Variants in GARS1 observed in about 807,000 individuals in gnomAD.
GARS1 encodes glycine--tRNA ligase.
Under a neutral mutation model 86.4 loss-of-function variants are expected in GARS1, and 46 were observed. That is an observed-to-expected ratio of 0.53 (90% CI 0.42 to 0.68). The LOEUF is 0.68. Ranked by LOEUF, GARS1 falls within the 30% of genes least tolerant of loss-of-function variation. GARS1 has a pLI of 0.00. For synonymous variants in GARS1, 342 were observed against 329.8 expected (o/e 1.04, Z -0.40); for missense variants, 797 against 915.6 (o/e 0.87, Z 1.67).
At position 30,609,665 on chromosome 7, in the gene GARS1, A is replaced by C; in HGVS notation, c.816A>C (p.Leu272=). 1 of 1,613,434 alleles carries C rather than the reference A, an allele frequency of 6.2e-7. No individual in the cohort carries two copies. Among genetic ancestry groups the C allele is most frequent in the Non-Finnish European group, 8.5e-7 (1 of 1,179,410 alleles). ...AATCTCCCATTACTGGAAATGATCT[A>C]TCCCCTCCAGTGTCTTTTAACTTAA... ...NVKSPITGND[L]SPPVSFNLMF... is the part of the protein sequence containing the mutation. The change falls in exon 7 of 17, where the codon CTA becomes CTC. Residue 272 remains leucine (L), a synonymous_variant. Transcript: ENST00000389266.
rs1295233008 is a variant in GARS1 at position 30,599,957 on chromosome 7, T to TACC, written c.337_338insCAC (p.Leu112_Gln113insPro). ...TTTAATCTCTAACAGGAGCTGGCGTTACAGCCCAAAGATGATATTGTAGAC... is the reference window on the plus strand; with the variant it reads ...TTTAATCTCTAACAGGAGCTGGCGTTACCACAGCCCAAAGATGATATTGTAGAC... On this transcript the variant is annotated inframe_insertion, in exon 3 of 17. Transcript: ENST00000389266. 2 of 1,613,304 alleles carry TACC rather than the reference T, an allele frequency of 1.2e-6. No homozygotes were observed. Among genetic ancestry groups the TACC allele is most frequent in the African/African-American group, 2.7e-5 (2 of 75,054 alleles).
intron 7 of GARS1, among the ~76,000 whole-genome samples, chr7:30,610,375 C>A (rs777751141): frequency 1.1e-4 from 17 of 152,314 alleles, no homozygotes; most frequent in Middle Eastern, 6.8e-3. Context: ...TCTTTATCTT[C>A]TGATTCCTTG....
chr7:30,610,805 G>A (rs1214063617), intron 7 of GARS1, among the ~76,000 whole-genome samples: 1 of 152,226 alleles, frequency 6.6e-6, no homozygotes, highest in East Asian at 1.9e-4. Context: ...TTATGGTAAA[G>A]TGGATTAGTT....
rs577453197 is a variant in GARS1, at chr7:30,609,267, C to T, written c.736-318C>T. Among the ~76,000 whole-genome samples the T allele has an allele frequency of 2.6e-5, 4 of 152,238 alleles. No homozygotes were observed. The East Asian group carries it at 5.8e-4, about 22-fold the overall frequency. ...GAGTAGTAAAATTCAGCTTTGAAAA[C>T]TTATTTAGGTAATTTCAGATTCTTG... is the stretch of plus-strand genomic sequence containing the variant. On this transcript the variant is annotated intron_variant, in intron 6 of 16. Transcript: ENST00000389266.
intron 8 of GARS1, among the ~76,000 whole-genome samples, chr7:30,614,803 G>A (rs1270041136): frequency 6.6e-6 from 1 of 151,162 alleles, no homozygotes; most frequent in Non-Finnish European, 1.5e-5. Flanking sequence ...GTGAACCCGG[G>A]AGGCGGAGCT....
chr7:30,620,347 C>T lies in GARS1; in HGVS notation c.1360-1046C>T, dbSNP rs147662104. ...AATTGAGAGATCAGGGTGCCAGCAT[C>T]GTCTGATCCTTGTGAGGGCCCCATT... is the stretch of plus-strand genomic sequence containing the variant. On this transcript the variant is annotated intron_variant, in intron 10 of 16. Transcript: ENST00000389266. Among the ~76,000 whole-genome samples, 200 of 152,238 alleles carry T rather than the reference C, an allele frequency of 1.3e-3. 2 individuals are homozygous for T. The highest frequency in any genetic ancestry group is 4.6e-3 in the African/African-American group (193 of 41,534).
intron 6 of GARS1, among the ~76,000 whole-genome samples, chr7:30,607,420 A>G (rs993317144): frequency 1.3e-4 from 20 of 152,196 alleles, no homozygotes; most frequent in Middle Eastern, 3.4e-3. Context: ...AGCTGGAAAC[A>G]ATTATTCTCA....
At chr7:30,604,105 C>A (rs904016201) in intron 6 of GARS1, among the ~76,000 whole-genome samples, 2 of 152,030 alleles carry the variant, frequency 1.3e-5, no homozygotes, top group Admixed American at 1.3e-4. Flanking sequence ...AAAAAAGAGA[C>A]CACAGAGATA....
rs958403383 is a variant in GARS1, at chr7:30,632,995, C to T, written c.2094+558C>T. 2.0e-5 allele frequency among the ~76,000 whole-genome samples: 3 copies of T among 152,192 alleles called. No individual in the cohort carries two copies. Among genetic ancestry groups the T allele is most frequent in the African/African-American group, 7.2e-5 (3 of 41,444 alleles). ...CTGCCTAATTTATCACCTTTGAGCA[C>T]ATACATCAAGTGCCTGTTCTGTGCT... is the stretch of plus-strand genomic sequence containing the variant. On this transcript the variant is annotated intron_variant, in intron 16 of 16. Transcript: ENST00000389266. The surrounding 1 kb of genome is among the most constrained non-coding windows in gnomAD (Gnocchi z 4.1).
intron 4 of GARS1, among the ~76,000 whole-genome samples, chr7:30,602,224 G>A (rs1254147477): frequency 2.0e-5 from 3 of 151,732 alleles, no homozygotes; most frequent in Non-Finnish European, 4.4e-5. Flanking sequence ...GAGCAGCTGG[G>A]ACTACAGGCA....
chr7:30,627,227 G>A (rs1056366314), intron 13 of GARS1: 1 of 350,856 alleles, frequency 2.9e-6, no homozygotes, highest in Non-Finnish European at 5.7e-6. Context: ...GGCTTGTCTT[G>A]TAGCCAGGCT....
At chr7:30,614,541 A>G (rs550794454) in intron 8 of GARS1, among the ~76,000 whole-genome samples, 2 of 152,352 alleles carry the variant, frequency 1.3e-5, no homozygotes, top group Non-Finnish European at 2.9e-5. Flanking sequence ...TAGGTGCAGC[A>G]GGACCAAATA....
Position 30,602,691 on chromosome 7 carries a change from G to T in GARS1, c.570-343G>T, listed in dbSNP as rs888136319. 2.7e-4 allele frequency among the ~76,000 whole-genome samples: 41 copies of T among 152,292 alleles called. 1 individual carries two copies. The highest frequency in any genetic ancestry group is 9.4e-4 in the African/African-American group (39 of 41,552). ...AACTAGTCAAATTCCCAGTGATTTT[G>T]GCCTTTGCTTAGATCACTAATAATA... On this transcript the variant is annotated intron_variant, in intron 4 of 16. Coordinates refer to ENST00000389266, the MANE Select transcript of GARS1 (RefSeq NM_002047.4).
At chr7:30,620,208 T>C (rs1414954968) in intron 10 of GARS1, among the ~76,000 whole-genome samples, 1 of 152,218 alleles carries the variant, frequency 6.6e-6, no homozygotes, top group Non-Finnish European at 1.5e-5. Flanking sequence ...CTTGTTCTTA[T>C]TGAAATAACG....
chr7:30,612,933 A>G (rs1029411896), intron 8 of GARS1, among the ~76,000 whole-genome samples: 2 of 152,190 alleles, frequency 1.3e-5, no homozygotes, highest in African/African-American at 4.8e-5. Flanking sequence ...TGTGATTTCT[A>G]TACGTTATTC....
intron 14 of GARS1, among the ~76,000 whole-genome samples, chr7:30,630,096 G>A (rs1245590722): frequency 6.6e-6 from 1 of 152,146 alleles, no homozygotes; most frequent in Non-Finnish European, 1.5e-5. Flanking sequence ...TAAATTATTA[G>A]CACCTAGTTC....
rs187937286 is a variant in GARS1 at position 30,603,536 on chromosome 7, C to T, written c.699C>T (p.Val233=). The change falls in exon 6 of 17, where the codon GTC becomes GTT. Residue 233 remains valine (V), a synonymous_variant. Coordinates refer to ENST00000389266, the MANE Select transcript of GARS1 (RefSeq NM_002047.4). ...TGATGTCTGATAAGAAGTGTTCTGT[C>T]GAAAAGAAATCAGAAATGGAAAGTG... is the stretch of plus-strand genomic sequence containing the variant. The part of the protein sequence containing the change: ...QKLMSDKKCS[V]EKKSEMESVL... 199 of 1,613,772 alleles carry T rather than the reference C, an allele frequency of 1.2e-4. No individual in the cohort carries two copies. The African/African-American group carries it at 1.9e-3, about 16-fold the overall frequency.
chr7:30,597,846 C>G (rs1026851857), intron 1 of GARS1, among the ~76,000 whole-genome samples: 1 of 152,288 alleles, frequency 6.6e-6, no homozygotes, highest in Middle Eastern at 3.4e-3. Context: ...AGGGCTATAT[C>G]AATTTAACAA....
At chr7:30,628,723 G>C in intron 14 of GARS1, 54 bp downstream of exon 14, 1 of 1,147,544 alleles carries the variant, frequency 8.7e-7, no homozygotes. Context: ...AAAATTTTCT[G>C]AATTACATTG....
Sources: gnomAD v4.1 joint callset for allele counts (sites outside exome capture counted in the v4.1 genomes callset) on GRCh38, gnomAD v4.1.1 for gene constraint, Gnocchi (gnomAD v3.1) non-coding constraint, MANE v1.5 for transcripts, NCBI Gene and HGNC (gene_info 2026-07-23, HGNC 2026-07-21) for gene names.